KAZN: variants seen among roughly 807,000 people sequenced by gnomAD.
KAZN encodes the protein kazrin, periplakin interacting protein.
Under a neutral mutation model 87.4 loss-of-function variants are expected in KAZN, and 40 were observed. The observed-to-expected ratio is 0.46, with a 90% CI of 0.36 to 0.60. KAZN has a LOEUF of 0.60. Ranked by LOEUF, KAZN falls within the 20% of genes least tolerant of loss-of-function variation. The pLI, the probability that KAZN is intolerant of heterozygous loss-of-function variation, is 0.00. For synonymous variants in KAZN, 466 were observed against 458.3 expected, an observed-to-expected ratio of 1.02 and a Z score of -0.22; for missense variants, 898 against 1,073.9, an observed-to-expected ratio of 0.84 and a Z score of 2.29.
In KAZN at chr1:13,981,093, A is replaced by ATATATATATATATG. The variant is rs1553181085; in HGVS notation, c.91+87350_91+87351insGTATATATATATAT. Among the ~76,000 whole-genome samples the ATATATATATATATG allele has an allele frequency of 5.9e-4, 46 of 78,150 alleles. 1 individual carries two copies. The South Asian group carries it at 0.013, about 23-fold the overall frequency. 51.3% of individuals were successfully genotyped at this position (78,150 alleles called of 152,430 possible). A position where few individuals can be genotyped will look rare whatever the true frequency, so the allele number is the denominator to read the frequency against. ...AGAGGTATAAAAAATTACTCTTTAT[A>ATATATATATATATG]TATATATATATATATATGTATATAT... is the stretch of plus-strand genomic sequence containing the variant. On this transcript the variant is annotated intron_variant, in intron 1 of 16. Coordinates refer to the KAZN transcript ENST00000636203.
intron 2 of KAZN, among the ~76,000 whole-genome samples, chr1:14,313,938 A>G (rs1208938891): frequency 6.6e-6 from 1 of 152,166 alleles, no homozygotes; most frequent in African/African-American, 2.4e-5. Context: ...CAAGTGGAAA[A>G]TGAGGCTAAT....
At position 15,070,726 on chromosome 1, in the gene KAZN, A is replaced by T. The variant is rs554442519; in HGVS notation, c.1222+4973A>T. 5.4e-4 allele frequency among the ~76,000 whole-genome samples: 83 copies of T among 152,354 alleles called. 1 individual carries two copies. Among genetic ancestry groups the T allele is most frequent in the African/African-American group, 1.9e-3 (78 of 41,586 alleles). ...TGTGGTGGCACACGCCTGTAGTCCCAGCTACTCAGGAGGCTGAGGCTGAAG... is the reference window on the plus strand; with the variant it reads ...TGTGGTGGCACACGCCTGTAGTCCCTGCTACTCAGGAGGCTGAGGCTGAAG... On this transcript the variant is annotated intron_variant, in intron 8 of 14. Transcript: ENST00000376030.
chr1:13,960,026 T>C (rs1570392121), intron 1 of KAZN, among the ~76,000 whole-genome samples: 1 of 151,782 alleles, frequency 6.6e-6, no homozygotes, highest in Admixed American at 6.6e-5. Flanking sequence ...TAATAAAAAG[T>C]CCAAAAAACA....
At chr1:13,997,355 G>A (rs1639572934) in intron 1 of KAZN, among the ~76,000 whole-genome samples, 1 of 152,068 alleles carries the variant, frequency 6.6e-6, no homozygotes, top group South Asian at 2.1e-4. Context: ...CAAGGGTGCA[G>A]AATGGGACAG....
At chr1:14,469,739 C>T (rs891914849) in intron 2 of KAZN, among the ~76,000 whole-genome samples, 10 of 152,270 alleles carry the variant, frequency 6.6e-5, no homozygotes, top group African/African-American at 2.2e-4. Context: ...GGAAAAGAGG[C>T]CACGATGTCA....
At chr1:14,352,958 C>T (rs903086848) in intron 2 of KAZN, among the ~76,000 whole-genome samples, 1 of 151,926 alleles carries the variant, frequency 6.6e-6, no homozygotes, top group Non-Finnish European at 1.5e-5. Flanking sequence ...AGGCATTTGC[C>T]GAAAATTTAG....
rs376429981 is a variant in KAZN, at chr1:14,168,321, C to T, written c.92-12114C>T. Among the ~76,000 whole-genome samples, 177 of 152,232 alleles carry T rather than the reference C, an allele frequency of 1.2e-3. 1 individual carries two copies. The highest frequency in any genetic ancestry group is 6.8e-3 in the Middle Eastern group (2 of 294). On this transcript the variant is annotated intron_variant, in intron 1 of 16. Transcript: ENST00000636203. ...GAAAAGTGAAGCTGTTTGGAATGCC[C>T]GTGGAACAAGGCATGGTTAGATCCC...
Position 14,127,562 on chromosome 1 carries a change from T to C in KAZN, c.92-52873T>C, listed in dbSNP as rs1332727375. 2.0e-5 allele frequency among the ~76,000 whole-genome samples: 3 copies of C among 152,192 alleles called. No homozygotes were observed. The East Asian group carries it at 5.8e-4, about 29-fold the overall frequency. ...TTAGCAGTGGCTCTGCCTTCCTCTA[T>C]AGCTGTATGTGCTCAGAAGTGCTCC... On this transcript the variant is annotated intron_variant, in intron 1 of 16. Coordinates refer to the KAZN transcript ENST00000636203.
At chr1:14,209,213 G>A (rs1404131342) in intron 2 of KAZN, among the ~76,000 whole-genome samples, 1 of 152,166 alleles carries the variant, frequency 6.6e-6, no homozygotes, top group African/African-American at 2.4e-5. Context: ...AACCTTTCAG[G>A]AATACCTCAA....
chr1:14,313,297 G>A (rs955740381), intron 2 of KAZN, among the ~76,000 whole-genome samples: 2 of 152,050 alleles, frequency 1.3e-5, no homozygotes, highest in African/African-American at 2.4e-5. Flanking sequence ...TGAACTCTCT[G>A]TAAATAGAAT....
At chr1:14,747,465 C>G (rs542208312) in intron 1 of KAZN, among the ~76,000 whole-genome samples, 2 of 152,070 alleles carry the variant, frequency 1.3e-5, no homozygotes, top group Admixed American at 1.3e-4. Flanking sequence ...TCAATAGAGA[C>G]GGGGTTTCAC....
rs746668704 is a variant in KAZN at position 14,112,420 on chromosome 1, C to G, written c.92-68015C>G. Among the ~76,000 whole-genome samples, 13 of 151,356 alleles carry G rather than the reference C, an allele frequency of 8.6e-5. 3 individuals carry two copies. Among genetic ancestry groups the G allele is most frequent in the Non-Finnish European group, 1.9e-4 (13 of 67,928 alleles). ...AGCTGCCTGCATCCCTCCCACTCCT[C>G]TTTGGCCACTGTGGGTTGTCAACAG... On this transcript the variant is annotated intron_variant, in intron 1 of 16. Transcript: ENST00000636203.
intron 2 of KAZN, among the ~76,000 whole-genome samples, chr1:14,332,863 AG>A (rs35732267): frequency 0.31 from 47,205 of 152,036 alleles, 7,861 homozygotes; most frequent in African/African-American, 0.42. Flanking sequence ...TGAAATTAAA[AG>A]GGTTTCTTTT....
chr1:14,320,872 A>G (rs147652671), intron 2 of KAZN, among the ~76,000 whole-genome samples: 27 of 152,300 alleles, frequency 1.8e-4, no homozygotes, highest in African/African-American at 5.3e-4. Flanking sequence ...CTCCATGTCC[A>G]TGGGATTCAA....
rs1570847197 is a variant in KAZN, at chr1:14,140,886, C to T, written c.92-39549C>T. Among the ~76,000 whole-genome samples the T allele has an allele frequency of 2.6e-5, 4 of 152,248 alleles. No individual in the cohort carries two copies. In the South Asian group the frequency reaches 8.3e-4, roughly 32 times the overall value. ...GGGAAGAAAGACGTCCTGTCTAAAC[C>T]TTGGCAGGCGGCAGAGGAGAGATGA... On this transcript the variant is annotated intron_variant, in intron 1 of 16. Transcript: ENST00000636203.
chr1:14,796,435 A>T (rs535876431), intron 1 of KAZN, among the ~76,000 whole-genome samples: 66 of 152,226 alleles, frequency 4.3e-4, no homozygotes, highest in African/African-American at 1.5e-3. Context: ...CATGAGCTCC[A>T]TGGCTCCACA....
chr1:14,154,356 G>A (rs370865122), intron 1 of KAZN, among the ~76,000 whole-genome samples: 4 of 152,122 alleles, frequency 2.6e-5, no homozygotes, highest in Admixed American at 2.0e-4. Context: ...GTATCCTGCA[G>A]CTTTACTGAA....
At chr1:14,067,962 G>A (rs1245756760) in intron 1 of KAZN, among the ~76,000 whole-genome samples, 1 of 152,126 alleles carries the variant, frequency 6.6e-6, no homozygotes, top group Non-Finnish European at 1.5e-5. Context: ...AATTGTCTGG[G>A]ATTGGCCTGA....
intron 1 of KAZN, among the ~76,000 whole-genome samples, chr1:14,046,696 G>C (rs1642088490): frequency 6.6e-6 from 1 of 152,164 alleles, no homozygotes; most frequent in African/African-American, 2.4e-5. Context: ...CAGTGTCCAG[G>C]ACCAGGCATG....
Sources: gnomAD v4.1 joint callset for allele counts (sites outside exome capture counted in the v4.1 genomes callset) on GRCh38, gnomAD v4.1.1 for gene constraint, MANE v1.5 for transcripts, NCBI Gene and HGNC (gene_info 2026-07-23, HGNC 2026-07-21) for gene names.